The following MACROD2 variants were observed in gnomAD, a reference collection of about 807,000 sequenced individuals.
MACROD2 encodes ADP-ribose glycohydrolase MACROD2.
In MACROD2, 36 loss-of-function variants were observed where a neutral mutation model predicts 70.4. That is an observed-to-expected ratio of 0.51 (90% CI 0.39 to 0.68). The LOEUF (loss-of-function observed/expected upper bound fraction) is 0.68, where lower values mean the gene tolerates loss of function less well. Ranked by LOEUF, MACROD2 falls within the 30% of genes least tolerant of loss-of-function variation. The pLI, the probability that MACROD2 is intolerant of heterozygous loss-of-function variation, is 0.00. For synonymous variants in MACROD2, 172 were observed against 178.8 expected, an observed-to-expected ratio of 0.96 and a Z score of 0.30; for missense variants, 496 against 538.4, an observed-to-expected ratio of 0.92 and a Z score of 0.78.
At chr20:14,062,321 C>T (rs1053096783) in intron 2 of MACROD2, among the ~76,000 whole-genome samples, 5 of 152,074 alleles carry the variant, frequency 3.3e-5, no homozygotes, top group East Asian at 1.9e-4. Flanking sequence ...GACTCAAATA[C>T]GCAAAACACA....
intron 8 of MACROD2, among the ~76,000 whole-genome samples, chr20:15,760,015 A>G (rs986096578): frequency 1.3e-4 from 20 of 152,206 alleles, no homozygotes; most frequent in African/African-American, 3.9e-4. Flanking sequence ...CAGGACAAAC[A>G]GAGAATAGAA....
intron 8 of MACROD2, among the ~76,000 whole-genome samples, chr20:15,747,696 T>G (rs1042441964): frequency 2.6e-5 from 4 of 152,178 alleles, no homozygotes; most frequent in African/African-American, 4.8e-5. Context: ...GAATTTTTTT[T>G]TGTCAATTCT....
chr20:14,400,822 A>G (rs986992712), intron 3 of MACROD2, among the ~76,000 whole-genome samples: 1 of 152,130 alleles, frequency 6.6e-6, no homozygotes, highest in African/African-American at 2.4e-5. Flanking sequence ...CTGTTATTCT[A>G]TCTTGTCCAG....
At chr20:14,234,707 C>T (rs2081853193) in intron 3 of MACROD2, among the ~76,000 whole-genome samples, 1 of 152,110 alleles carries the variant, frequency 6.6e-6, no homozygotes, top group African/African-American at 2.4e-5. Context: ...TGTACATGCA[C>T]ACCCATCACA....
chr20:15,874,755 G>C (rs879803719), intron 9 of MACROD2, among the ~76,000 whole-genome samples: 11 of 152,124 alleles, frequency 7.2e-5, no homozygotes, highest in Admixed American at 7.2e-4. Flanking sequence ...GCGGAAAAAT[G>C]TCCCCCACAA....
At chr20:15,477,098 A>ATTT (rs769382441) in intron 7 of MACROD2, among the ~76,000 whole-genome samples, 8 of 69,742 alleles carry the variant, frequency 1.1e-4, no homozygotes, top group African/African-American at 1.2e-4. Context: ...CTCTATTTTT[A>ATTT]GTTTTTTTTT....
intron 8 of MACROD2, among the ~76,000 whole-genome samples, chr20:15,689,010 A>G (rs2050263930): frequency 6.6e-6 from 1 of 152,250 alleles, no homozygotes; most frequent in Non-Finnish European, 1.5e-5. Flanking sequence ...CATTGTTCAA[A>G]AAGGTAGATT....
chr20:14,313,997 G>GA (rs1194883870), intron 3 of MACROD2, among the ~76,000 whole-genome samples: 1 of 152,124 alleles, frequency 6.6e-6, no homozygotes, highest in East Asian at 1.9e-4. Context: ...TAATTCATCT[G>GA]AAACACTGTT....
intron 3 of MACROD2, among the ~76,000 whole-genome samples, chr20:14,363,143 T>C (rs2083239037): frequency 6.6e-6 from 1 of 152,216 alleles, no homozygotes; most frequent in South Asian, 2.1e-4. Flanking sequence ...ACTCTCACTC[T>C]ATATTTTATT....
At chr20:15,162,309 A>G (rs1260023506) in intron 5 of MACROD2, among the ~76,000 whole-genome samples, 1 of 152,068 alleles carries the variant, frequency 6.6e-6, no homozygotes, top group Non-Finnish European at 1.5e-5. Flanking sequence ...CATTGTGAAA[A>G]TTAATAGCCA....
intron 5 of MACROD2, among the ~76,000 whole-genome samples, chr20:14,824,978 G>T (rs2072885855): frequency 6.6e-6 from 1 of 152,182 alleles, no homozygotes; most frequent in Non-Finnish European, 1.5e-5. Flanking sequence ...TAAATGACCT[G>T]CAGGAGGTTA....
At chr20:15,917,428 C>T (rs1376010508) in intron 10 of MACROD2, among the ~76,000 whole-genome samples, 3 of 152,160 alleles carry the variant, frequency 2.0e-5, no homozygotes, top group Non-Finnish European at 4.4e-5. Context: ...CAATAACCTT[C>T]TCCAACAAGC....
intron 5 of MACROD2, among the ~76,000 whole-genome samples, chr20:15,006,552 G>A (rs1207760066): frequency 1.3e-5 from 2 of 151,966 alleles, no homozygotes; most frequent in East Asian, 3.9e-4. Flanking sequence ...CTTGATTGTG[G>A]TAATCATTTC....
chr20:15,224,614 GTAACCAAAGGAGGAGA>G (rs887721393), intron 5 of MACROD2, among the ~76,000 whole-genome samples: 13 of 152,210 alleles, frequency 8.5e-5, no homozygotes, highest in Non-Finnish European at 1.8e-4. Context: ...GGTTGTTGAG[GTAACCAAAGGAGGAGA>G]TAACCAAAGG....
intron 12 of MACROD2, among the ~76,000 whole-genome samples, chr20:15,955,711 A>G (rs886790791): frequency 1.4e-4 from 21 of 152,326 alleles, no homozygotes; most frequent in African/African-American, 5.1e-4. Context: ...AATTTTCAAA[A>G]AGGCACACTA....
chr20:14,773,244 T>A (rs554204785), intron 5 of MACROD2, among the ~76,000 whole-genome samples: 1 of 152,200 alleles, frequency 6.6e-6, no homozygotes, highest in South Asian at 2.1e-4. Context: ...AAATGAAAAC[T>A]GAATATCTGA....
At chr20:15,669,540 G>T (rs1296882526) in intron 8 of MACROD2, among the ~76,000 whole-genome samples, 1 of 152,090 alleles carries the variant, frequency 6.6e-6, no homozygotes, top group African/African-American at 2.4e-5. Flanking sequence ...TTTTCATTAG[G>T]ATGCAGTTTA....
intron 3 of MACROD2, among the ~76,000 whole-genome samples, chr20:14,473,970 A>T (rs988386087): frequency 2.0e-5 from 3 of 151,898 alleles, no homozygotes; most frequent in African/African-American, 7.3e-5. Flanking sequence ...GCTTCTTCAG[A>T]TCTTTTGCCC....
At chr20:14,901,189 G>A (rs147976946) in intron 5 of MACROD2, among the ~76,000 whole-genome samples, 1 of 151,982 alleles carries the variant, frequency 6.6e-6, no homozygotes, top group Non-Finnish European at 1.5e-5. Context: ...TATAGTAGAT[G>A]CAGTAAACAC....
Sources: allele counts gnomAD v4.1 joint callset (sites outside exome capture counted in the v4.1 genomes callset), GRCh38; gene constraint gnomAD v4.1.1; transcripts MANE v1.5; gene names NCBI Gene and HGNC (gene_info 2026-07-23, HGNC 2026-07-21).